The following MYO1B variants were observed in gnomAD, a reference collection of about 807,000 sequenced individuals.
The protein encoded by MYO1B is myosin IB.
Under a neutral mutation model 159.7 loss-of-function variants are expected in MYO1B, and 72 were observed. That is an observed-to-expected ratio of 0.45 (90% confidence interval 0.37 to 0.55). MYO1B has a LOEUF of 0.55. Among genes scored for constraint, MYO1B ranks in the 20% least tolerant of loss-of-function variants. The pLI is 0.00. For missense variants in MYO1B, 1,062 were observed against 1,364.8 expected, an observed-to-expected ratio of 0.78 and a Z score of 3.50; for synonymous variants, 468 against 473.8, an observed-to-expected ratio of 0.99 and a Z score of 0.16.
At chr2:191,384,550 A>G (rs139629417) in intron 15 of MYO1B, among the ~76,000 whole-genome samples, 3 of 152,326 alleles carry the variant, frequency 2.0e-5, no homozygotes, top group African/African-American at 7.2e-5. Context: ...AATCTGAACA[A>G]TATTGAATGG....
At chr2:191,348,711 C>T (rs1455176901) in intron 6 of MYO1B, among the ~76,000 whole-genome samples, 1 of 152,198 alleles carries the variant, frequency 6.6e-6, no homozygotes, top group Admixed American at 6.5e-5. Context: ...ACCAACATTT[C>T]TCCACTAATC....
At chr2:191,408,286 A>G (rs987647433) in intron 25 of MYO1B, 97 bp downstream of exon 25, 2 of 790,164 alleles carry the variant, frequency 2.5e-6, no homozygotes, top group Non-Finnish European at 4.2e-6. Context: ...TAAATGACAA[A>G]AGTGACTTTT....
chr2:191,297,325 G>A (rs758955554), intron 3 of MYO1B, among the ~76,000 whole-genome samples: 35 of 152,294 alleles, frequency 2.3e-4, no homozygotes, highest in Middle Eastern at 3.4e-3. Flanking sequence ...GGCCCACGGT[G>A]TCTTGCAGAC....
At chr2:191,420,278 G>T (rs1489140458) in intron 30 of MYO1B, among the ~76,000 whole-genome samples, 4 of 151,984 alleles carry the variant, frequency 2.6e-5, no homozygotes, top group Non-Finnish European at 5.9e-5. Flanking sequence ...GTAAGCAAAG[G>T]TTAATTTATT....
chr2:191,327,780 C>G (rs1691198904), intron 3 of MYO1B, among the ~76,000 whole-genome samples: 1 of 152,210 alleles, frequency 6.6e-6, no homozygotes, highest in Non-Finnish European at 1.5e-5. Flanking sequence ...CAAGCTAGAA[C>G]AAGCTGTTAT....
intron 4 of MYO1B, among the ~76,000 whole-genome samples, chr2:191,333,129 T>G (rs1691599656): frequency 6.6e-6 from 1 of 152,228 alleles, no homozygotes; most frequent in African/African-American, 2.4e-5. Context: ...TACTAAAAAT[T>G]AGTTGATTTG....
intron 15 of MYO1B, 128 bp from the exon 16 acceptor site, chr2:191,385,756 G>A (rs1695364574): frequency 1.0e-6 from 1 of 994,130 alleles, no homozygotes; most frequent in South Asian, 1.6e-5. Context: ...TTGAGTCTCT[G>A]CTTTTTGTTA....
intron 2 of MYO1B, among the ~76,000 whole-genome samples, chr2:191,284,714 C>G (rs2125772282): frequency 6.6e-6 from 1 of 152,238 alleles, no homozygotes; most frequent in East Asian, 1.9e-4. Context: ...TTCATTACAA[C>G]CTCTGCCTCC....
chr2:191,382,723 A>G (rs1319802683), intron 14 of MYO1B, among the ~76,000 whole-genome samples: 1 of 152,250 alleles, frequency 6.6e-6, no homozygotes, highest in Non-Finnish European at 1.5e-5. Flanking sequence ...AGCCAGTGTT[A>G]GAACCAGTGG....
At chr2:191,287,514 G>C (rs1168792141) in intron 2 of MYO1B, among the ~76,000 whole-genome samples, 1 of 151,364 alleles carries the variant, frequency 6.6e-6, no homozygotes, top group African/African-American at 2.4e-5. Context: ...TGGGCAACAA[G>C]AGTGAAACTC....
intron 13 of MYO1B, among the ~76,000 whole-genome samples, chr2:191,372,043 A>C (rs751607436): frequency 6.6e-6 from 1 of 152,252 alleles, no homozygotes; most frequent in Admixed American, 6.5e-5. Flanking sequence ...CTATCACTAA[A>C]TGGGCAGAAT....
At chr2:191,365,489 T>A (rs1286179502) in intron 11 of MYO1B, among the ~76,000 whole-genome samples, 1 of 152,234 alleles carries the variant, frequency 6.6e-6, no homozygotes, top group Admixed American at 6.5e-5. Flanking sequence ...TTTGTAGCAA[T>A]CGTTTCCTAG....
intron 7 of MYO1B, among the ~76,000 whole-genome samples, chr2:191,353,567 G>A (rs1206826582): frequency 6.6e-6 from 1 of 152,198 alleles, no homozygotes; most frequent in African/African-American, 2.4e-5. Context: ...ACCTGACACA[G>A]CAGGTGTGTA....
At chr2:191,341,294 T>C (rs1168361515) in intron 4 of MYO1B, among the ~76,000 whole-genome samples, 167 bp from the exon 5 acceptor site, 1 of 152,192 alleles carries the variant, frequency 6.6e-6, no homozygotes, top group Non-Finnish European at 1.5e-5. Context: ...TGTCACTGAA[T>C]AGAAAGCACA....
At chr2:191,365,677 G>A (rs1308730556) in intron 11 of MYO1B, among the ~76,000 whole-genome samples, 1 of 152,172 alleles carries the variant, frequency 6.6e-6, no homozygotes, top group Non-Finnish European at 1.5e-5. Context: ...TAAGAGGTTA[G>A]GGAAGACCCC....
intron 27 of MYO1B, among the ~76,000 whole-genome samples, chr2:191,413,709 T>G (rs1311394672): frequency 6.6e-6 from 1 of 152,212 alleles, no homozygotes; most frequent in African/African-American, 2.4e-5. Flanking sequence ...ATTAACAGAT[T>G]AGAAGAAATT....
intron 15 of MYO1B, among the ~76,000 whole-genome samples, chr2:191,385,253 A>G (rs1236840954): frequency 6.6e-6 from 1 of 152,228 alleles, no homozygotes; most frequent in Admixed American, 6.5e-5. Context: ...CTTATGTTTA[A>G]CATCCATTTA....
rs769858714 is a variant in MYO1B at position 191,354,302 on chromosome 2, G to A, written c.562+4077G>A. On this transcript the variant is annotated intron_variant, in intron 7 of 30. Coordinates refer to ENST00000392318, the MANE Select transcript of MYO1B (RefSeq NM_001130158.3). ...TAATAATAATAATAATAATAATGTC[G>A]AACACCTTATATATATTTGTTGAAT... Among the ~76,000 whole-genome samples, 49 of 147,536 alleles carry A rather than the reference G, an allele frequency of 3.3e-4. No homozygotes were observed. The Middle Eastern group carries it at 0.011, about 32-fold the overall frequency.
In MYO1B at chr2:191,411,065, G is replaced by C. The variant is rs1488702399; in HGVS notation, c.2767-1G>C. The C allele has an allele frequency of 6.4e-7, 1 of 1,561,206 alleles. No individual in the cohort carries two copies. The highest frequency in any genetic ancestry group is 8.7e-7 in the Non-Finnish European group (1 of 1,143,906). On this transcript the variant is annotated splice_acceptor_variant, in intron 26 of 30. Transcript: ENST00000392318. LOFTEE classifies it high-confidence loss of function. Reference sequence around the variant, plus strand: ...TGTTTCTTTCTTCTCATATCTCACAGTGTAAAAAATACAGGGACCAATTCA... The same window carrying C: ...TGTTTCTTTCTTCTCATATCTCACACTGTAAAAAATACAGGGACCAATTCA...
Sources: gnomAD v4.1 joint callset for allele counts (sites outside exome capture counted in the v4.1 genomes callset) on GRCh38, gnomAD v4.1.1 for gene constraint, MANE v1.5 for transcripts, NCBI Gene and HGNC (gene_info 2026-07-23, HGNC 2026-07-21) for gene names.